Variants in TBC1D22A observed in about 807,000 individuals in gnomAD.
The protein encoded by TBC1D22A is TBC1 domain family member 22A.
TBC1D22A carries 38 observed loss-of-function variants against 60.2 expected under a neutral mutation model. The observed-to-expected ratio is 0.63, with a 90% confidence interval of 0.49 to 0.83. The LOEUF (loss-of-function observed/expected upper bound fraction) is 0.83, where lower values mean the gene tolerates loss of function less well. Ranked by LOEUF, TBC1D22A falls within the 40% of genes least tolerant of loss-of-function variation. The pLI, the probability that TBC1D22A is intolerant of heterozygous loss-of-function variation, is 0.00. For synonymous variants in TBC1D22A, 302 were observed against 281.7 expected, an observed-to-expected ratio of 1.07 and a Z score of -0.72; for missense variants, 628 against 701.0, an observed-to-expected ratio of 0.90 and a Z score of 1.18.
chr22:46,922,876 C>A (rs1162998765), intron 8 of TBC1D22A, among the ~76,000 whole-genome samples: 4 of 152,162 alleles, frequency 2.6e-5, no homozygotes, highest in African/African-American at 9.7e-5. Context: ...TGATTGCAAA[C>A]ACTTTTATTT....
intron 4 of TBC1D22A, among the ~76,000 whole-genome samples, chr22:46,816,063 C>T (rs2085584733): frequency 6.6e-6 from 1 of 152,216 alleles, no homozygotes; most frequent in Non-Finnish European, 1.5e-5. Context: ...AACAATCACA[C>T]TCACACCCTT....
chr22:47,024,049 A>G lies in TBC1D22A; in HGVS notation c.1202-13022A>G, dbSNP rs1429039035. On this transcript the variant is annotated intron_variant, in intron 10 of 12. Transcript: ENST00000337137. The stretch of plus-strand genomic sequence containing the variant: ...TAACACATGCCGCGGTGCGATGAAG[A>G]TGACAGGAGCGTAGGCGTCGGCAGG... Among the ~76,000 whole-genome samples the G allele has an allele frequency of 2.6e-5, 4 of 152,332 alleles. No individual in the cohort carries two copies. In the East Asian group the frequency reaches 7.7e-4, roughly 29 times the overall value.
intron 11 of TBC1D22A, among the ~76,000 whole-genome samples, chr22:47,108,921 T>C (rs1229699380): frequency 6.6e-6 from 1 of 152,218 alleles, no homozygotes; most frequent in African/African-American, 2.4e-5. Flanking sequence ...GGTCTTGATC[T>C]CCTGACCTTG....
At chr22:47,031,136 C>A (rs779408871) in intron 10 of TBC1D22A, among the ~76,000 whole-genome samples, 2 of 152,172 alleles carry the variant, frequency 1.3e-5, no homozygotes, top group Non-Finnish European at 2.9e-5. Context: ...ACCATGGTCT[C>A]GTGCTGTGCC....
intron 8 of TBC1D22A, chr22:46,914,651 G>C (rs1435281090): frequency 6.6e-6 from 1 of 152,332 alleles, no homozygotes; most frequent in Admixed American, 6.5e-5. Context: ...GCCCTTCATG[G>C]AGCACCTGCC....
chr22:46,829,617 A>G (rs2086221519), intron 4 of TBC1D22A, among the ~76,000 whole-genome samples: 1 of 152,242 alleles, frequency 6.6e-6, no homozygotes, highest in Non-Finnish European at 1.5e-5. Context: ...TAATTTATGA[A>G]AGACTGAGTC....
intron 11 of TBC1D22A, among the ~76,000 whole-genome samples, chr22:47,095,623 C>G (rs79982286): frequency 2.0e-5 from 3 of 151,938 alleles, no homozygotes; most frequent in Non-Finnish European, 4.4e-5. Context: ...AGGATTTCCC[C>G]GTCTCCCAAC....
chr22:46,979,303 G>A (rs979126470), intron 9 of TBC1D22A, among the ~76,000 whole-genome samples: 5 of 152,220 alleles, frequency 3.3e-5, no homozygotes, highest in African/African-American at 1.2e-4. Flanking sequence ...TAAAAGCTCA[G>A]ATATTATCAT....
At chr22:47,020,368 A>G (rs1343467211) in intron 10 of TBC1D22A, among the ~76,000 whole-genome samples, 1 of 152,076 alleles carries the variant, frequency 6.6e-6, no homozygotes, top group Non-Finnish European at 1.5e-5. Flanking sequence ...CTATCCGGGG[A>G]AGCTCTGCGT....
chr22:46,814,306 G>A (rs1420109222), intron 4 of TBC1D22A, among the ~76,000 whole-genome samples: 1 of 152,180 alleles, frequency 6.6e-6, no homozygotes, highest in East Asian at 1.9e-4. Context: ...TGAAGTGGAT[G>A]CTATTTTTAT....
At chr22:46,909,535 C>T (rs1264027770) in intron 7 of TBC1D22A, among the ~76,000 whole-genome samples, 5 of 152,198 alleles carry the variant, frequency 3.3e-5, no homozygotes, top group Non-Finnish European at 2.9e-5. Context: ...TGGCCTCAGG[C>T]ACCCCGGGCC....
intron 11 of TBC1D22A, among the ~76,000 whole-genome samples, chr22:47,095,661 G>A (rs1393091853): frequency 3.3e-5 from 5 of 152,254 alleles, no homozygotes; most frequent in Admixed American, 3.3e-4. Flanking sequence ...GAGCAGCTCG[G>A]CTCTGTCCTG....
chr22:47,061,396 C>G (rs2063572602), intron 11 of TBC1D22A, among the ~76,000 whole-genome samples: 1 of 152,050 alleles, frequency 6.6e-6, no homozygotes, highest in Admixed American at 6.6e-5. Context: ...GTCGTGGTCC[C>G]TGCTTGGTTC....
Position 47,058,362 on chromosome 22 carries a change from G to A in TBC1D22A, c.1329+21164G>A, listed in dbSNP as rs117747277. ...CCCCAGCTTATGATTCCACCCGCCC[G>A]ACAGAAGCCATCACAGGGCCAGTGC... On this transcript the variant is annotated intron_variant, in intron 11 of 12. Coordinates refer to ENST00000337137, the MANE Select transcript of TBC1D22A (RefSeq NM_014346.5). Among the ~76,000 whole-genome samples the A allele has an allele frequency of 3.0e-3, 463 of 152,154 alleles. 3 individuals are homozygous for A. Among genetic ancestry groups the A allele is most frequent in the Non-Finnish European group, 4.4e-3 (302 of 68,008 alleles).
intron 8 of TBC1D22A, among the ~76,000 whole-genome samples, chr22:46,971,718 G>T (rs1314339646): frequency 6.6e-6 from 1 of 152,244 alleles, no homozygotes; most frequent in East Asian, 1.9e-4. Context: ...ACACTGATCA[G>T]CGCGTGGAGG....
intron 11 of TBC1D22A, among the ~76,000 whole-genome samples, chr22:47,065,057 C>T (rs747831485): frequency 8.5e-5 from 13 of 152,218 alleles, no homozygotes; most frequent in Non-Finnish European, 1.2e-4. Context: ...GATCTCGGCC[C>T]ACTGTAACCT....
chr22:47,034,177 T>C (rs114443502), intron 10 of TBC1D22A, among the ~76,000 whole-genome samples: 3,253 of 152,324 alleles, frequency 0.021, 106 homozygotes, highest in African/African-American at 0.073. Flanking sequence ...AGAAGGAAGC[T>C]GTTAAGTGAG....
intron 8 of TBC1D22A, chr22:46,914,742 TG>T (rs1428303215): frequency 6.5e-6 from 1 of 153,884 alleles, no homozygotes; most frequent in Non-Finnish European, 1.4e-5. Flanking sequence ...GAGCATCTCC[TG>T]GCCCTGTGCT....
intron 5 of TBC1D22A, among the ~76,000 whole-genome samples, chr22:46,883,798 C>T (rs1403283574): frequency 6.6e-6 from 1 of 152,232 alleles, no homozygotes; most frequent in Admixed American, 6.5e-5. Context: ...TGGCCAGGCT[C>T]TGTTTCCGGC....
Sources: allele counts gnomAD v4.1 joint callset (sites outside exome capture counted in the v4.1 genomes callset), GRCh38; gene constraint gnomAD v4.1.1; transcripts MANE v1.5; gene names NCBI Gene and HGNC (gene_info 2026-07-23, HGNC 2026-07-21).